The following TRPM7 variants were observed in gnomAD, a reference collection of about 807,000 sequenced individuals.
TRPM7 encodes LTRPC ion channel family member 7.
TRPM7 carries 134 observed loss-of-function variants against 229.7 expected under a neutral mutation model. The observed-to-expected ratio is 0.58, with a 90% CI of 0.51 to 0.67. TRPM7 has a LOEUF of 0.67. Among genes scored for constraint, TRPM7 ranks in the 30% least tolerant of loss-of-function variants. The pLI is 0.00. For synonymous variants in TRPM7, 699 were observed against 715.2 expected (o/e 0.98, Z 0.36); for missense variants, 1,901 against 2,210.0 (o/e 0.86, Z 2.80).
At chr15:50,573,421 G>A (rs1053210512) in intron 36 of TRPM7, among the ~76,000 whole-genome samples, 2 of 152,340 alleles carry the variant, frequency 1.3e-5, no homozygotes, top group African/African-American at 4.8e-5. Context: ...TTAGTTGACA[G>A]TGAACAGAGA....
At chr15:50,561,842 AAAG>A (rs1164342564) in intron 38 of TRPM7, 34 bp from the exon 39 acceptor site, 153 of 1,502,228 alleles carry the variant, frequency 1.0e-4, no homozygotes, top group Non-Finnish European at 1.3e-4. Flanking sequence ...TAAAAAAAAA[AAAG>A]AAAGAGAAAA....
At chr15:50,612,901 A>T (rs543352804) in intron 15 of TRPM7, 72 bp from the exon 16 acceptor site, 8 of 1,377,008 alleles carry the variant, frequency 5.8e-6, no homozygotes, top group Non-Finnish European at 7.9e-6. Flanking sequence ...TGAAAATTTT[A>T]GTAAAATATC....
At chr15:50,643,635 T>A in intron 4 of TRPM7, 82 bp from the exon 5 acceptor site, 2 of 1,040,774 alleles carry the variant, frequency 1.9e-6, no homozygotes, top group Non-Finnish European at 2.9e-6. Context: ...TTTGGAAAAT[T>A]TTATATGAAT....
chr15:50,575,822 T>A (rs775847769), intron 32 of TRPM7, 33 bp from the exon 33 acceptor site: 3 of 1,612,648 alleles, frequency 1.9e-6, no homozygotes, highest in Non-Finnish European at 2.5e-6. Flanking sequence ...TAATTAAATC[T>A]GTAAAGGTCC....
intron 3 of TRPM7, among the ~76,000 whole-genome samples, chr15:50,651,373 T>A (rs1011912321): frequency 6.6e-6 from 1 of 152,174 alleles, no homozygotes; most frequent in Non-Finnish European, 1.5e-5. Flanking sequence ...ACGCCGGGTG[T>A]GGTGGCTCAC....
At chr15:50,621,168 A>C (rs926223808) in intron 12 of TRPM7, among the ~76,000 whole-genome samples, 3 of 151,356 alleles carry the variant, frequency 2.0e-5, no homozygotes, top group Admixed American at 6.6e-5. Context: ...AAAAAAAAAA[A>C]AAAAAAAAAA....
At chr15:50,634,599 G>C in intron 7 of TRPM7, 43 bp from the exon 8 acceptor site, 1 of 1,310,622 alleles carries the variant, frequency 7.6e-7, no homozygotes, top group East Asian at 2.9e-5. Flanking sequence ...TTCATCCCAA[G>C]CAAGTTTCTC....
chr15:50,593,836 T>C, intron 24 of TRPM7, 87 bp from the exon 25 acceptor site: 1 of 1,321,304 alleles, frequency 7.6e-7, no homozygotes, highest in Non-Finnish European at 1.0e-6. Context: ...ATTCAGGGTT[T>C]CTAAGACTAC....
chr15:50,595,241 T>C (rs540237704), intron 23 of TRPM7, among the ~76,000 whole-genome samples: 1 of 151,282 alleles, frequency 6.6e-6, no homozygotes, highest in South Asian at 2.1e-4. Context: ...TTGGCAACCA[T>C]TAAAAAAAAA....
chr15:50,569,617 C>T (rs1396330419), intron 38 of TRPM7, among the ~76,000 whole-genome samples: 1 of 152,176 alleles, frequency 6.6e-6, no homozygotes. Flanking sequence ...AGAGACATAG[C>T]TGTCTGGTTC....
At chr15:50,676,414 T>C (rs2062094777) in intron 1 of TRPM7, among the ~76,000 whole-genome samples, 2 of 151,938 alleles carry the variant, frequency 1.3e-5, no homozygotes, top group South Asian at 4.1e-4. Flanking sequence ...CCACCATAAA[T>C]TCTGGACAAA....
intron 24 of TRPM7, among the ~76,000 whole-genome samples, chr15:50,594,084 C>A (rs991893680): frequency 1.3e-5 from 2 of 152,110 alleles, no homozygotes; most frequent in East Asian, 3.9e-4. Context: ...AAATTTTAAG[C>A]ATAATTTGAC....
intron 1 of TRPM7, among the ~76,000 whole-genome samples, chr15:50,670,303 T>C (rs1216771562): frequency 1.3e-5 from 2 of 152,008 alleles, no homozygotes; most frequent in South Asian, 2.1e-4. Flanking sequence ...CTGAGTAAAA[T>C]AAGGCTGAGA....
intron 3 of TRPM7, among the ~76,000 whole-genome samples, chr15:50,655,211 G>A (rs1384873058): frequency 2.7e-5 from 4 of 150,416 alleles, no homozygotes; most frequent in Admixed American, 6.6e-5. Flanking sequence ...CAAGGCGGGC[G>A]AATCACGAGG....
At chr15:50,580,565 A>C (rs2054350899) in intron 30 of TRPM7, among the ~76,000 whole-genome samples, 1 of 152,254 alleles carries the variant, frequency 6.6e-6, no homozygotes, top group Non-Finnish European at 1.5e-5. Flanking sequence ...TAGGTCTCTC[A>C]ACAAATTTAT....
At position 50,614,192 on chromosome 15, in the gene TRPM7, T is replaced by C. The variant is rs2060147899; in HGVS notation, c.1566A>G (p.Gly522=). The part of the protein sequence containing the change: ...IGLVIEYLMG[G]TYRCTYTRKR... ...TCCTAGTATAGGTGCATCTGTAGGT[T>C]CCTCCCATGAGATATTCAATAACAA... The change falls in exon 14 of 39, where the codon GGA becomes GGG. Residue 522 remains glycine (G), a synonymous_variant. Coordinates refer to ENST00000646667, the MANE Select transcript of TRPM7 (RefSeq NM_017672.6). 1 of 1,613,112 alleles carries C rather than the reference T, an allele frequency of 6.2e-7. No individual in the cohort carries two copies. The highest frequency in any genetic ancestry group is 2.2e-5 in the East Asian group (1 of 44,856).
chr15:50,646,157 T>A (rs1285402145), intron 4 of TRPM7, among the ~76,000 whole-genome samples: 1 of 150,548 alleles, frequency 6.6e-6, no homozygotes, highest in East Asian at 1.9e-4. Flanking sequence ...GCAGTGAGAA[T>A]TTGTAGGATC....
At chr15:50,674,799 T>G (rs1243858757) in intron 1 of TRPM7, among the ~76,000 whole-genome samples, 1 of 152,182 alleles carries the variant, frequency 6.6e-6, no homozygotes, top group Non-Finnish European at 1.5e-5. Flanking sequence ...GGTACAGTAT[T>G]CTTGGATAAT....
chr15:50,611,096 G>A lies in TRPM7; in HGVS notation c.2277C>T (p.Tyr759=), dbSNP rs2060052338. The change falls in exon 17 of 39, where the codon TAC becomes TAT. Residue 759 remains tyrosine, a synonymous_variant. Transcript: ENST00000646667. ...TCAAATTATTTCTAAAGTATACCTT[G>A]TACCAGGAATTTTTCCTCATATTCA... is the stretch of plus-strand genomic sequence containing the variant. ...GRLNMRKNSW[Y]KVILSILVPP... The A allele has an allele frequency of 6.2e-7, 1 of 1,606,924 alleles. No individual in the cohort carries two copies. The highest frequency in any genetic ancestry group is 8.5e-7 in the Non-Finnish European group (1 of 1,173,856).
Sources: allele counts gnomAD v4.1 joint callset (sites outside exome capture counted in the v4.1 genomes callset), GRCh38; gene constraint gnomAD v4.1.1; transcripts MANE v1.5; gene names NCBI Gene and HGNC (gene_info 2026-07-23, HGNC 2026-07-21).